Variants in SBK1 observed in about 807,000 individuals in gnomAD.
SBK1 encodes the protein serine/threonine-protein kinase SBK1.
Under a neutral mutation model 24.4 loss-of-function variants are expected in SBK1, and 11 were observed. The observed-to-expected ratio is 0.45, with a 90% CI of 0.28 to 0.75. SBK1 has a LOEUF of 0.75. SBK1 is among the 30% of genes least tolerant of loss of function. The pLI is 0.12. For synonymous variants in SBK1, 308 were observed against 284.4 expected, an observed-to-expected ratio of 1.08 and a Z score of -0.83; for missense variants, 467 against 620.5, an observed-to-expected ratio of 0.75 and a Z score of 2.63.
At position 28,317,932 on chromosome 16, in the gene SBK1, C is replaced by T. The variant is rs527876898; in HGVS notation, c.226+315C>T. 3.9e-5 allele frequency among the ~76,000 whole-genome samples: 6 copies of T among 152,188 alleles called. No individual in the cohort carries two copies. The highest frequency in any genetic ancestry group is 3.9e-4 in the East Asian group (2 of 5,176). The stretch of plus-strand genomic sequence containing the variant: ...GAGTGTCTGGGGAGGGCAGGGCTGC[C>T]GGCTGTGTCTGAGTATCACCAGCGT... On this transcript the variant is annotated intron_variant, in intron 2 of 3. Transcript: ENST00000341901. This position sits in a 1 kb window ranked among gnomAD's most constrained non-coding sequence, Gnocchi z 4.2.
upstream of SBK1, chr16:28,292,383 G>A (rs1172579427): frequency 4.1e-6 from 1 of 246,648 alleles, no homozygotes; most frequent in East Asian, 1.8e-4. Flanking sequence ...CGGCGGGAGG[G>A]CGGGCGCGCG....
intron 1 of SBK1, among the ~76,000 whole-genome samples, chr16:28,303,855 G>A (rs539051686): frequency 6.6e-6 from 1 of 152,230 alleles, no homozygotes; most frequent in South Asian, 2.1e-4. Context: ...AACTACCTGG[G>A]ACTGTCTGGC....
chr16:28,276,264 C>T (rs1043339850), intron 1 of SBK1, among the ~76,000 whole-genome samples: 10 of 152,218 alleles, frequency 6.6e-5, no homozygotes, highest in East Asian at 3.9e-4. Flanking sequence ...GGATGGAATG[C>T]GGAATCTCGG....
chr16:28,275,738 A>G (rs909989449), intron 1 of SBK1, among the ~76,000 whole-genome samples: 2 of 152,046 alleles, frequency 1.3e-5, no homozygotes, highest in Admixed American at 1.3e-4. Flanking sequence ...AAATTAGCCA[A>G]CCATGGTGCA....
In SBK1 at chr16:28,292,571, C is replaced by G. The variant is rs921542156; in HGVS notation, c.-737C>G. ...CCGGGCGGGCGCCGGGGCCGGGGCCCGAGCGCCAGGCGGAGCGCGAGCTGG... is the reference window on the plus strand; with the variant it reads ...CCGGGCGGGCGCCGGGGCCGGGGCCGGAGCGCCAGGCGGAGCGCGAGCTGG... On this transcript the variant is annotated 5_prime_UTR_variant, in exon 1 of 4. Coordinates refer to ENST00000341901, the MANE Select transcript of SBK1 (RefSeq NM_001024401.3). 4.8e-5 allele frequency: 47 copies of G among 979,246 alleles called. No homozygotes were observed. The African/African-American group carries it at 6.9e-4, about 14-fold the overall frequency. 60.7% of individuals were successfully genotyped at this position (979,246 alleles called of 1,614,324 possible).
chr16:28,304,840 C>A (rs185897982), intron 1 of SBK1, among the ~76,000 whole-genome samples: 1 of 152,160 alleles, frequency 6.6e-6, no homozygotes, highest in Non-Finnish European at 1.5e-5. Flanking sequence ...GATCTCCTGA[C>A]CTCGTGATCC....
chr16:28,280,909 C>G (rs2044529579), intron 1 of SBK1, among the ~76,000 whole-genome samples: 1 of 152,126 alleles, frequency 6.6e-6, no homozygotes, highest in Non-Finnish European at 1.5e-5. Context: ...AGGTGATCCA[C>G]CTGCCTCAGC....
In SBK1 at chr16:28,319,885, A is replaced by G. The variant is rs532456689; in HGVS notation, c.430-191A>G. 6.6e-6 allele frequency among the ~76,000 whole-genome samples: 1 copy of G among 152,176 alleles called. No individual in the cohort carries two copies. Among genetic ancestry groups the G allele is most frequent in the South Asian group, 2.1e-4 (1 of 4,830 alleles). On this transcript the variant is annotated intron_variant, in intron 3 of 3. Transcript: ENST00000341901. This position sits in a 1 kb window ranked among gnomAD's most constrained non-coding sequence, Gnocchi z 4.0. ...AGGAGAAGCAGGCATGGTAGCCACT[A>G]TGAGGATTGGATGAGACAGCGGGGG...
At position 28,304,426 on chromosome 16, in the gene SBK1, C is replaced by A. The variant is rs543577942; in HGVS notation, c.-8+11126C>A. Among the ~76,000 whole-genome samples the A allele has an allele frequency of 2.0e-5, 3 of 152,154 alleles. No individual in the cohort carries two copies. The East Asian group carries it at 5.8e-4, about 29-fold the overall frequency. ...GAGAAGGGGAGATAGAGCAGTGGGACGTTCAGGGTTCAGTCCCTGGCTCTG... is the reference window on the plus strand; with the variant it reads ...GAGAAGGGGAGATAGAGCAGTGGGAAGTTCAGGGTTCAGTCCCTGGCTCTG... On this transcript the variant is annotated intron_variant, in intron 1 of 3. Coordinates refer to ENST00000341901, the MANE Select transcript of SBK1 (RefSeq NM_001024401.3).
chr16:28,306,607 C>T (rs1165027894), intron 1 of SBK1, among the ~76,000 whole-genome samples: 1 of 152,122 alleles, frequency 6.6e-6, no homozygotes, highest in African/African-American at 2.4e-5. Flanking sequence ...AGGGCTCCAA[C>T]ATTTCCAAGG....
At chr16:28,260,207 A>G (rs2044389165) in intron 1 of SBK1, among the ~76,000 whole-genome samples, 1 of 151,852 alleles carries the variant, frequency 6.6e-6, no homozygotes, top group Non-Finnish European at 1.5e-5. Flanking sequence ...TGTTTGTGGG[A>G]GCAGGTATGA....
At chr16:28,277,958 C>A (rs918245767) in intron 1 of SBK1, among the ~76,000 whole-genome samples, 1 of 152,264 alleles carries the variant, frequency 6.6e-6, no homozygotes, top group Non-Finnish European at 1.5e-5. Flanking sequence ...GAACCCTGGG[C>A]TTGGCCCCAG....
chr16:28,320,863 G>T lies in SBK1; in HGVS notation c.1217G>T (p.Arg406Leu). ...PQGPPGRTDG[R>L]ADKSKGQVVL... ...GGGCCCCCCGGCCGGACCGACGGCC[G>T]CGCGGACAAGAGCAAAGGGCAGGTG... Residue 406 changes from arginine to leucine, a missense_variant, in exon 4 of 4, where the codon CGC becomes CTC. Arg to Leu is a moderately radical substitution (Grantham distance 102). Around this residue, in one of 4 missense-constraint regions of SBK1, gnomAD observed 166 missense variants for 146.8 expected, o/e 1.13. Coordinates refer to ENST00000341901, the MANE Select transcript of SBK1 (RefSeq NM_001024401.3). This position sits in a 1 kb window ranked among gnomAD's most constrained non-coding sequence, Gnocchi z 8.5. The T allele has an allele frequency of 6.7e-7, 1 of 1,494,970 alleles. No homozygotes were observed. Among genetic ancestry groups the T allele is most frequent in the Non-Finnish European group, 8.9e-7 (1 of 1,126,334 alleles). 92.6% of individuals were successfully genotyped at this position (1,494,970 alleles called of 1,614,324 possible).
At chr16:28,261,776 G>A (rs4788054) in intron 1 of SBK1, among the ~76,000 whole-genome samples, 41,800 of 152,138 alleles carry the variant, frequency 0.27, 5,880 homozygotes, top group South Asian at 0.37. Context: ...GGTGAACAAC[G>A]TAAGCAAACC....
chr16:28,265,737 A>G (rs1225668745), intron 1 of SBK1, among the ~76,000 whole-genome samples: 2 of 151,884 alleles, frequency 1.3e-5, no homozygotes, highest in Non-Finnish European at 2.9e-5. Flanking sequence ...ACTTTGGGAG[A>G]GTGAAGCAGG....
chr16:28,288,659 G>A (rs2044581102), upstream of SBK1, among the ~76,000 whole-genome samples: 1 of 152,298 alleles, frequency 6.6e-6, no homozygotes, highest in East Asian at 1.9e-4. Context: ...CTAAATTATT[G>A]GTTATTGTAA....
chr16:28,261,067 C>T (rs1418989840), intron 1 of SBK1, among the ~76,000 whole-genome samples: 1 of 151,970 alleles, frequency 6.6e-6, no homozygotes, highest in African/African-American at 2.4e-5. Context: ...AGGGCCTGGA[C>T]GCTGAGCCGG....
intron 1 of SBK1, among the ~76,000 whole-genome samples, chr16:28,271,802 C>A (rs1393106103): frequency 6.6e-6 from 1 of 152,084 alleles, no homozygotes. Context: ...AAAATGTTAT[C>A]AAATCCAGGA....
intron 1 of SBK1, among the ~76,000 whole-genome samples, chr16:28,301,187 T>C (rs1405434058): frequency 6.6e-6 from 1 of 152,106 alleles, no homozygotes; most frequent in Non-Finnish European, 1.5e-5. Flanking sequence ...TGGGAAGACC[T>C]CCCCAGCTTA....
Sources: gnomAD v4.1 joint callset for allele counts (sites outside exome capture counted in the v4.1 genomes callset) on GRCh38, gnomAD v4.1.1 for gene constraint, gnomAD v4.1.1 regional missense constraint, Gnocchi (gnomAD v3.1) non-coding constraint, MANE v1.5 for transcripts, NCBI Gene and HGNC (gene_info 2026-07-23, HGNC 2026-07-21) for gene names.